The following CACNA2D3 variants were observed in gnomAD, a reference collection of about 807,000 sequenced individuals.
CACNA2D3 encodes the protein calcium voltage-gated channel auxiliary subunit alpha2delta 3.
In CACNA2D3, 60 loss-of-function variants were observed where a neutral mutation model predicts 160.6. That is an observed-to-expected ratio of 0.37 (90% CI 0.30 to 0.46). CACNA2D3 has a LOEUF of 0.46. Ranked by LOEUF, CACNA2D3 falls within the 20% of genes least tolerant of loss-of-function variation. The pLI, the probability that CACNA2D3 is intolerant of heterozygous loss-of-function variation, is 1.00. For missense variants in CACNA2D3, 1,205 were observed against 1,365.0 expected (o/e 0.88, Z 1.85); for synonymous variants, 558 against 492.9 (o/e 1.13, Z -1.75).
intron 2 of CACNA2D3, among the ~76,000 whole-genome samples, chr3:54,261,755 A>G (rs1435570179): frequency 1.3e-5 from 2 of 152,148 alleles, no homozygotes; most frequent in Admixed American, 1.3e-4. Context: ...GTCACATTCT[A>G]CCTCTCACTA....
intron 27 of CACNA2D3, 47 bp downstream of exon 27, chr3:54,899,915 A>G: frequency 1.4e-6 from 2 of 1,383,468 alleles, no homozygotes; most frequent in Non-Finnish European, 2.0e-6. Flanking sequence ...CATGGCGCCC[A>G]TTCATCCGGC....
chr3:54,514,736 T>C (rs1219873242), intron 5 of CACNA2D3, among the ~76,000 whole-genome samples: 4 of 151,722 alleles, frequency 2.6e-5, no homozygotes, highest in Admixed American at 6.6e-5. Context: ...CGCTGCCATC[T>C]GAAGGATGGG....
chr3:54,128,297 A>G (rs963668518), intron 2 of CACNA2D3, among the ~76,000 whole-genome samples: 6 of 152,168 alleles, frequency 3.9e-5, no homozygotes, highest in Non-Finnish European at 5.9e-5. Flanking sequence ...ACATAGCCAT[A>G]TGTCAGCATG....
intron 35 of CACNA2D3, among the ~76,000 whole-genome samples, chr3:55,020,976 G>T (rs1703434671): frequency 6.6e-6 from 1 of 152,020 alleles, no homozygotes; most frequent in Admixed American, 6.6e-5. Context: ...CTGTCATTTG[G>T]CTTTCCTATT....
At chr3:54,386,885 G>C in intron 4 of CACNA2D3, 111 bp downstream of exon 4, 1 of 974,408 alleles carries the variant, frequency 1.0e-6, no homozygotes, top group Admixed American at 2.4e-5. Flanking sequence ...AGAGGCTTTT[G>C]AGAGGATGGT....
intron 31 of CACNA2D3, among the ~76,000 whole-genome samples, chr3:54,990,454 C>T (rs1702713869): frequency 6.6e-6 from 1 of 152,174 alleles, no homozygotes; most frequent in African/African-American, 2.4e-5. Context: ...TTGCTTGAAC[C>T]TGGGAGGCGG....
intron 14 of CACNA2D3, among the ~76,000 whole-genome samples, chr3:54,827,560 T>C (rs1703773932): frequency 6.6e-6 from 1 of 152,214 alleles, no homozygotes; most frequent in African/African-American, 2.4e-5. Context: ...TCCTTTTCTT[T>C]TATCACTGTG....
intron 4 of CACNA2D3, among the ~76,000 whole-genome samples, chr3:54,438,005 G>A (rs1282243431): frequency 6.6e-6 from 1 of 152,126 alleles, no homozygotes; most frequent in African/African-American, 2.4e-5. Context: ...GTGTATATAT[G>A]AGTTCTGTAG....
chr3:54,638,130 C>T (rs545895798), intron 10 of CACNA2D3: 6 of 151,972 alleles, frequency 3.9e-5, no homozygotes, highest in African/African-American at 1.5e-4. Flanking sequence ...GTTTGAGGGC[C>T]AGATTCCAGT....
intron 2 of CACNA2D3, among the ~76,000 whole-genome samples, chr3:54,186,897 G>A (rs1266737636): frequency 2.6e-5 from 4 of 152,170 alleles, no homozygotes; most frequent in African/African-American, 9.7e-5. Context: ...GGGAAGCCCT[G>A]CCAAGCTCCA....
At chr3:54,727,692 G>T (rs931003450) in intron 11 of CACNA2D3, among the ~76,000 whole-genome samples, 16 of 152,170 alleles carry the variant, frequency 1.1e-4, no homozygotes, top group Admixed American at 5.9e-4. Flanking sequence ...TCACTCATAA[G>T]TGGGAGTTCA....
intron 2 of CACNA2D3, among the ~76,000 whole-genome samples, chr3:54,206,181 G>A (rs900910232): frequency 9.2e-5 from 14 of 152,062 alleles, no homozygotes; most frequent in African/African-American, 2.2e-4. Context: ...TTCTCTTTTC[G>A]CATTTCTAGA....
intron 5 of CACNA2D3, among the ~76,000 whole-genome samples, chr3:54,517,131 G>A (rs75060543): frequency 0.019 from 2,949 of 152,280 alleles, 71 homozygotes; most frequent in East Asian, 0.085. Flanking sequence ...ATGAGAAGAC[G>A]CAGGCTCAAG....
chr3:54,251,120 A>G (rs1360311993), intron 2 of CACNA2D3, among the ~76,000 whole-genome samples: 1 of 152,176 alleles, frequency 6.6e-6, no homozygotes, highest in Non-Finnish European at 1.5e-5. Flanking sequence ...GCAGGGTCAG[A>G]TAAGTAGGGA....
chr3:54,705,409 G>A (rs1700840219), intron 11 of CACNA2D3, among the ~76,000 whole-genome samples: 1 of 152,116 alleles, frequency 6.6e-6, no homozygotes, highest in Non-Finnish European at 1.5e-5. Context: ...GAAAAACTTG[G>A]CCTTTGTAAA....
chr3:54,837,654 G>T (rs1365149703), intron 15 of CACNA2D3, among the ~76,000 whole-genome samples: 3 of 152,088 alleles, frequency 2.0e-5, no homozygotes, highest in East Asian at 1.9e-4. Flanking sequence ...TGTCAGCAGG[G>T]CCATGCTCCC....
intron 14 of CACNA2D3, among the ~76,000 whole-genome samples, chr3:54,824,101 G>C (rs79010271): frequency 1.3e-3 from 192 of 152,290 alleles, no homozygotes; most frequent in African/African-American, 4.5e-3. Flanking sequence ...ATTGATTCTT[G>C]GTACAGACAG....
intron 27 of CACNA2D3, among the ~76,000 whole-genome samples, chr3:54,956,003 G>T (rs1701881561): frequency 6.6e-6 from 1 of 152,180 alleles, no homozygotes; most frequent in Non-Finnish European, 1.5e-5. Context: ...TCCAGGAAAT[G>T]AGAGGGAAAA....
intron 11 of CACNA2D3, among the ~76,000 whole-genome samples, chr3:54,743,269 ATAACT>A (rs1489740892): frequency 1.3e-5 from 2 of 152,238 alleles, no homozygotes. Context: ...AACCATTAAT[ATAACT>A]TAAGAATATA....
Sources: allele counts gnomAD v4.1 joint callset (sites outside exome capture counted in the v4.1 genomes callset), GRCh38; gene constraint gnomAD v4.1.1; transcripts MANE v1.5; gene names NCBI Gene and HGNC (gene_info 2026-07-23, HGNC 2026-07-21).